The following SAMMSON variants were observed in gnomAD, a reference collection of about 807,000 sequenced individuals.
SAMMSON encodes the protein long intergenic non-protein coding RNA 1212.
chr3:70,324,230 A>G (rs558321706), intron 7 of SAMMSON, among the ~76,000 whole-genome samples: 1 of 151,744 alleles, frequency 6.6e-6, no homozygotes, highest in South Asian at 2.1e-4. Flanking sequence ...ACACAGAAAG[A>G]GAGAGAGAGA....
intron 7 of SAMMSON, among the ~76,000 whole-genome samples, chr3:70,295,005 T>C (rs75119427): frequency 0.039 from 5,863 of 152,280 alleles, 161 homozygotes; most frequent in East Asian, 0.081. Context: ...GCAGATGGGT[T>C]CTCATGTCTC....
chr3:70,401,070 A>G (rs73108565), intron 2 of SAMMSON, among the ~76,000 whole-genome samples: 4,443 of 152,342 alleles, frequency 0.029, 183 homozygotes, highest in Admixed American at 0.11. Context: ...ATAATATTAC[A>G]TACTGCTCTA....
chr3:70,242,974 C>G (rs2106643000), intron 4 of SAMMSON, among the ~76,000 whole-genome samples: 1 of 152,264 alleles, frequency 6.6e-6, no homozygotes, highest in South Asian at 2.1e-4. Context: ...CAGGCCTAAC[C>G]TAAATACTAA....
At chr3:70,016,971 G>A (rs2066988852) in intron 3 of SAMMSON, among the ~76,000 whole-genome samples, 1 of 152,158 alleles carries the variant, frequency 6.6e-6, no homozygotes, top group Admixed American at 6.5e-5. Context: ...CCAGTACCAT[G>A]CTGTTTTGGT....
At chr3:70,099,933 A>G (rs2067336046) in intron 4 of SAMMSON, among the ~76,000 whole-genome samples, 1 of 152,166 alleles carries the variant, frequency 6.6e-6, no homozygotes. Flanking sequence ...CTCAGAAGTA[A>G]CTGTCCTGAG....
chr3:70,421,441 A>G (rs1216896583), intron 2 of SAMMSON, among the ~76,000 whole-genome samples: 1 of 152,146 alleles, frequency 6.6e-6, no homozygotes, highest in Non-Finnish European at 1.5e-5. Flanking sequence ...GCTAGATCTT[A>G]GGAGGATTTC....
intron 3 of SAMMSON, among the ~76,000 whole-genome samples, chr3:70,062,851 G>C (rs2067195515): frequency 6.6e-6 from 1 of 152,118 alleles, no homozygotes; most frequent in Non-Finnish European, 1.5e-5. Flanking sequence ...GCAGCCGTGA[G>C]CTCAGTCCAA....
intron 4 of SAMMSON, among the ~76,000 whole-genome samples, chr3:70,202,654 C>T (rs897773262): frequency 6.6e-6 from 1 of 152,192 alleles, no homozygotes; most frequent in Middle Eastern, 3.4e-3. Context: ...GCTGCACAGT[C>T]AACAGTGGTG....
At chr3:70,093,862 C>T (rs1279215862) in intron 4 of SAMMSON, among the ~76,000 whole-genome samples, 1 of 152,136 alleles carries the variant, frequency 6.6e-6, no homozygotes, top group Admixed American at 6.6e-5. Flanking sequence ...TTTTCTAAAA[C>T]CAAAGCTTTT....
At position 70,102,813 on chromosome 3, in the gene SAMMSON, A is replaced by G. The variant is rs532514012; in HGVS notation, n.507+31248A>G. Among the ~76,000 whole-genome samples the G allele has an allele frequency of 3.9e-5, 6 of 152,204 alleles. No individual in the cohort carries two copies. In the South Asian group the frequency reaches 1.2e-3, roughly 32 times the overall value. On this transcript the variant is annotated intron_variant and non_coding_transcript_variant, in intron 4 of 9. Transcript: ENST00000642114. ...ATAGAGAGCGAAAGTTAATGGATGTATTTGGTTGTTCCTTCGGCTTTGATT... is the reference window on the plus strand; with the variant it reads ...ATAGAGAGCGAAAGTTAATGGATGTGTTTGGTTGTTCCTTCGGCTTTGATT...
chr3:70,311,248 T>A (rs751190090), intron 7 of SAMMSON, among the ~76,000 whole-genome samples: 1 of 152,178 alleles, frequency 6.6e-6, no homozygotes, highest in East Asian at 1.9e-4. Context: ...TGTTACCTTT[T>A]TGACATATTA....
At chr3:70,361,216 T>C (rs1224196276) in intron 9 of SAMMSON, among the ~76,000 whole-genome samples, 1 of 152,178 alleles carries the variant, frequency 6.6e-6, no homozygotes, top group African/African-American at 2.4e-5. Context: ...TGAGTCATCA[T>C]CCTGGTTGTA....
intron 4 of SAMMSON, among the ~76,000 whole-genome samples, chr3:70,238,309 G>A (rs1481242328): frequency 6.6e-6 from 1 of 151,940 alleles, no homozygotes; most frequent in Admixed American, 6.6e-5. Context: ...TCTGCCATGT[G>A]TAAAAAGTCT....
chr3:70,161,581 G>C (rs2106693315), intron 4 of SAMMSON, among the ~76,000 whole-genome samples: 1 of 151,868 alleles, frequency 6.6e-6, no homozygotes. Flanking sequence ...TTTTGTTGAG[G>C]ATTTTTGTAT....
intron 6 of SAMMSON, among the ~76,000 whole-genome samples, chr3:70,250,850 T>A (rs916240794): frequency 6.6e-6 from 1 of 152,140 alleles, no homozygotes; most frequent in Non-Finnish European, 1.5e-5. Context: ...CCAGGTTGAA[T>A]GGGCAGACTG....
intron 4 of SAMMSON, among the ~76,000 whole-genome samples, chr3:70,093,770 G>A (rs1454338815): frequency 2.0e-5 from 3 of 152,114 alleles, no homozygotes; most frequent in South Asian, 2.1e-4. Flanking sequence ...TGCAAACTGA[G>A]ACTCAGAAAT....
chr3:70,282,130 A>G (rs1702091263), intron 6 of SAMMSON, among the ~76,000 whole-genome samples: 1 of 152,126 alleles, frequency 6.6e-6, no homozygotes, highest in Non-Finnish European at 1.5e-5. Context: ...GAAATGGGTC[A>G]GGGAACCAAA....
At chr3:70,201,010 C>T (rs77929944) in intron 4 of SAMMSON, among the ~76,000 whole-genome samples, 2 of 151,930 alleles carry the variant, frequency 1.3e-5, no homozygotes, top group East Asian at 3.9e-4. Context: ...ATATTTAGAA[C>T]CTTTGTTTTG....
At chr3:70,228,347 G>A (rs1028494902) in intron 4 of SAMMSON, among the ~76,000 whole-genome samples, 6 of 151,872 alleles carry the variant, frequency 4.0e-5, no homozygotes, top group African/African-American at 1.5e-4. Flanking sequence ...AGTTTCATTT[G>A]ACAAGTAATT....
Sources: gnomAD v4.1 joint callset for allele counts (sites outside exome capture counted in the v4.1 genomes callset) on GRCh38, gnomAD v4.1.1 for gene constraint, MANE v1.5 for transcripts, NCBI Gene and HGNC (gene_info 2026-07-23, HGNC 2026-07-21) for gene names.